The following NCAM2 variants were observed in gnomAD, a reference collection of about 807,000 sequenced individuals.
The protein encoded by NCAM2 is neural cell adhesion molecule 2, also known as N-CAM-2.
NCAM2 carries 30 observed loss-of-function variants against 98.1 expected under a neutral mutation model. The ratio of observed to expected loss-of-function variants is 0.31; its 90% CI spans 0.23 to 0.41. NCAM2 has a LOEUF of 0.41. NCAM2 is among the 10% of genes least tolerant of loss of function. The pLI is 1.00. For missense variants in NCAM2, 867 were observed against 1,005.8 expected (o/e 0.86, Z 1.87); for synonymous variants, 368 against 342.4 (o/e 1.07, Z -0.83).
intron 1 of NCAM2, among the ~76,000 whole-genome samples, chr21:21,182,130 A>C (rs2068496843): frequency 6.6e-6 from 1 of 152,180 alleles, no homozygotes; most frequent in Non-Finnish European, 1.5e-5. Flanking sequence ...AATTTTGAAC[A>C]AATGAATTGA....
At chr21:21,291,552 G>C (rs937828410) in intron 4 of NCAM2, among the ~76,000 whole-genome samples, 2 of 151,384 alleles carry the variant, frequency 1.3e-5, no homozygotes, top group Non-Finnish European at 2.9e-5. Context: ...TCCTAATACA[G>C]ATTATCTTAT....
chr21:21,226,640 C>T (rs756898866), intron 1 of NCAM2: 4 of 152,058 alleles, frequency 2.6e-5, no homozygotes, highest in Non-Finnish European at 5.9e-5. Flanking sequence ...AGATCATAGT[C>T]GACTTGCCTT....
At chr21:21,231,540 A>T (rs1161499246) in intron 1 of NCAM2, among the ~76,000 whole-genome samples, 3 of 151,438 alleles carry the variant, frequency 2.0e-5, no homozygotes, top group Non-Finnish European at 3.0e-5. Context: ...TCTATGTATT[A>T]AACTATGTTT....
chr21:21,413,823 G>C (rs2076934452), intron 10 of NCAM2, among the ~76,000 whole-genome samples: 1 of 152,154 alleles, frequency 6.6e-6, no homozygotes. Context: ...GGCTGTGGCA[G>C]TTTATTAAAA....
In NCAM2 at chr21:21,533,293, C is replaced by T. The variant is rs1989811327; in HGVS notation, c.2283-1244C>T. Among the ~76,000 whole-genome samples, 3 of 150,412 alleles carry T rather than the reference C, an allele frequency of 2.0e-5. No homozygotes were observed. The South Asian group carries it at 6.3e-4, about 31-fold the overall frequency. On this transcript the variant is annotated intron_variant, in intron 16 of 17. Coordinates refer to ENST00000400546, the MANE Select transcript of NCAM2 (RefSeq NM_004540.5). ...TGAATGTTCTAAATGTCCCACCCTT[C>T]CTCTAGTCCCTGGCAACTACAGACT...
chr21:21,447,560 A>G (rs946020353), intron 12 of NCAM2, among the ~76,000 whole-genome samples: 10 of 152,178 alleles, frequency 6.6e-5, no homozygotes, highest in Non-Finnish European at 1.3e-4. Context: ...GGATTTAACT[A>G]AAGAGTTTCT....
intron 1 of NCAM2, among the ~76,000 whole-genome samples, chr21:21,084,414 T>C (rs2065868762): frequency 6.6e-6 from 1 of 152,216 alleles, no homozygotes; most frequent in African/African-American, 2.4e-5. Flanking sequence ...GTGTTTTTCA[T>C]GTTGTTCTTT....
At chr21:21,405,546 A>C (rs1822655) in intron 9 of NCAM2, among the ~76,000 whole-genome samples, 2 of 151,936 alleles carry the variant, frequency 1.3e-5, no homozygotes, top group African/African-American at 4.8e-5. Context: ...TGAAGACGTT[A>C]GTAAGTATAC....
chr21:21,228,468 A>T (rs920602510), intron 1 of NCAM2, among the ~76,000 whole-genome samples: 1 of 151,504 alleles, frequency 6.6e-6, no homozygotes, highest in Non-Finnish European at 1.5e-5. Context: ...TCTGTTAGAG[A>T]ATAGATAAAC....
chr21:21,117,087 T>A (rs1179906994), intron 1 of NCAM2, among the ~76,000 whole-genome samples: 3 of 152,216 alleles, frequency 2.0e-5, no homozygotes, highest in African/African-American at 7.2e-5. Context: ...TTGTGATATA[T>A]ACATCTACAT....
chr21:21,236,058 A>G (rs2070807230), intron 1 of NCAM2, among the ~76,000 whole-genome samples: 4 of 152,064 alleles, frequency 2.6e-5, no homozygotes, highest in Admixed American at 2.6e-4. Flanking sequence ...GACCAGGGAC[A>G]TAAATACCCT....
At chr21:21,023,500 G>A (rs2064479069) in intron 1 of NCAM2, among the ~76,000 whole-genome samples, 1 of 151,468 alleles carries the variant, frequency 6.6e-6, no homozygotes, top group African/African-American at 2.4e-5. Flanking sequence ...CTCCAGTCTG[G>A]GTGACAGAGT....
At chr21:21,146,557 GTA>G (rs35673800) in intron 1 of NCAM2, among the ~76,000 whole-genome samples, 1,380 of 55,044 alleles carry the variant, frequency 0.025, 30 homozygotes, top group African/African-American at 0.064. Flanking sequence ...ATATATATAT[GTA>G]TATATATATA....
intron 1 of NCAM2, among the ~76,000 whole-genome samples, chr21:21,055,896 T>C (rs1284672222): frequency 6.6e-6 from 1 of 152,084 alleles, no homozygotes; most frequent in Admixed American, 6.6e-5. Flanking sequence ...AATTAGTAGC[T>C]CTTGTCACCA....
chr21:21,259,356 A>G (rs2071803504), intron 1 of NCAM2, among the ~76,000 whole-genome samples: 1 of 151,550 alleles, frequency 6.6e-6, no homozygotes, highest in Non-Finnish European at 1.5e-5. Flanking sequence ...CAAAAACCGT[A>G]TGAACTGAAA....
At chr21:21,365,207 G>A (rs748933980) in intron 8 of NCAM2, among the ~76,000 whole-genome samples, 5 of 148,972 alleles carry the variant, frequency 3.4e-5, no homozygotes, top group African/African-American at 1.2e-4. Context: ...AGTGCTTTCC[G>A]TTGGAGATTT....
intron 1 of NCAM2, among the ~76,000 whole-genome samples, chr21:21,142,688 A>G (rs1381039633): frequency 6.6e-6 from 1 of 151,982 alleles, no homozygotes; most frequent in Non-Finnish European, 1.5e-5. Context: ...CTTGACCATT[A>G]TTTTTATTGT....
At chr21:21,141,429 T>C (rs1487044294) in intron 1 of NCAM2, among the ~76,000 whole-genome samples, 1 of 152,190 alleles carries the variant, frequency 6.6e-6, no homozygotes, top group Admixed American at 6.5e-5. Context: ...AGCAGATATT[T>C]TTATAAAAAA....
At chr21:21,506,071 T>A (rs941687131) in intron 15 of NCAM2, among the ~76,000 whole-genome samples, 6 of 152,054 alleles carry the variant, frequency 3.9e-5, no homozygotes, top group Non-Finnish European at 5.9e-5. Context: ...TAAATGGGAA[T>A]GTGTATAATA....
Sources: gnomAD v4.1 joint callset for allele counts (sites outside exome capture counted in the v4.1 genomes callset) on GRCh38, gnomAD v4.1.1 for gene constraint, MANE v1.5 for transcripts, NCBI Gene and HGNC (gene_info 2026-07-23, HGNC 2026-07-21) for gene names.